NCOA7: variants seen among roughly 807,000 people sequenced by gnomAD.
The protein encoded by NCOA7 is 140 kDa estrogen receptor-associated protein.
In NCOA7, 45 loss-of-function variants were observed where a neutral mutation model predicts 104.3. That is an observed-to-expected ratio of 0.43 (90% CI 0.34 to 0.55). The LOEUF (loss-of-function observed/expected upper bound fraction) is 0.55. Among genes scored for constraint, NCOA7 ranks in the 20% least tolerant of loss-of-function variants. The pLI is 0.02. For synonymous variants in NCOA7, 398 were observed against 402.3 expected (o/e 0.99, Z 0.13); for missense variants, 1,041 against 1,119.7 (o/e 0.93, Z 1.00).
intron 11 of NCOA7, chr6:125,919,553 G>A: frequency 1.0e-6 from 1 of 958,802 alleles, no homozygotes. Flanking sequence ...CTACCAGCAG[G>A]TGTTTTATTC....
In NCOA7 at chr6:125,922,796, A is replaced by T; in HGVS notation, c.2485A>T (p.Ser829Cys). The T allele has an allele frequency of 6.2e-7, 1 of 1,614,156 alleles. No homozygotes were observed. Among genetic ancestry groups the T allele is most frequent in the Non-Finnish European group, 8.5e-7 (1 of 1,180,010 alleles). ...TLYRKSASLD[S>C]PVLLVIKDMD... is the part of the protein sequence containing the mutation. Reference sequence around the variant, plus strand: ...CTACCGGAAATCGGCATCACTAGACAGTCCTGTCCTATTGGTCATCAAAGA... The same window carrying T: ...CTACCGGAAATCGGCATCACTAGACTGTCCTGTCCTATTGGTCATCAAAGA... The change falls in exon 13 of 16, where the codon AGT becomes TGT. Residue 829 changes from serine (S) to cysteine (C), a missense_variant. Ser to Cys is a moderately radical substitution (Grantham distance 112, BLOSUM62 -1). Coordinates refer to ENST00000392477, the MANE Select transcript of NCOA7 (RefSeq NM_181782.5).
At chr6:125,860,033 C>T (rs1195336882) in intron 3 of NCOA7, among the ~76,000 whole-genome samples, 2 of 152,142 alleles carry the variant, frequency 1.3e-5, no homozygotes, top group African/African-American at 4.8e-5. Context: ...TCAGATAAAT[C>T]TAGATCCAAC....
At chr6:125,852,146 G>T (rs1264064649) in intron 2 of NCOA7, among the ~76,000 whole-genome samples, 1 of 151,960 alleles carries the variant, frequency 6.6e-6, no homozygotes, top group Non-Finnish European at 1.5e-5. Flanking sequence ...TGCTTTTGGG[G>T]TCTTAGTCAT....
At chr6:125,805,165 G>A (rs1776330784) in intron 1 of NCOA7, among the ~76,000 whole-genome samples, 1 of 135,810 alleles carries the variant, frequency 7.4e-6, no homozygotes. Context: ...GCACGATCTC[G>A]GCTCATTGCA....
chr6:125,890,608 A>G (rs1029888067), intron 9 of NCOA7, 34 bp from the exon 10 acceptor site: 7 of 1,583,578 alleles, frequency 4.4e-6, no homozygotes, highest in Non-Finnish European at 6.0e-6. Flanking sequence ...AATATTGTCA[A>G]TATTGAGGAA....
At position 125,915,411 on chromosome 6, in the gene NCOA7, G is replaced by T; in HGVS notation, c.2175G>T (p.Val725=). The T allele has an allele frequency of 1.2e-6, 2 of 1,613,920 alleles. No individual in the cohort carries two copies. The highest frequency in any genetic ancestry group is 2.2e-5 in the South Asian group (2 of 91,074). The change falls in exon 11 of 16, where the codon GTG becomes GTT. Residue 725 remains valine (V), a synonymous_variant. Transcript: ENST00000392477. ...YGKDAKEQGF[V]VVEKEELNMI... ...AAGATGCCAAAGAGCAAGGCTTTGT[G>T]GTGGTGGAGAAGGAAGAACTGAACA...
rs191078454 is a variant in NCOA7 at position 125,889,367 on chromosome 6, A to C, written c.1313A>C (p.Glu438Ala). ...ATGCACAAAAAAGACACCTTGAAGGAGTGCCTTTCTCTTGACCCAGAGGAA... is the reference window on the plus strand; with the variant it reads ...ATGCACAAAAAAGACACCTTGAAGGCGTGCCTTTCTCTTGACCCAGAGGAA... The part of the protein sequence containing the change: ...GGMHKKDTLK[E>A]CLSLDPEERK... Residue 438 changes from glutamate to alanine, a missense_variant, in exon 9 of 16, where the codon GAG becomes GCG. Glu to Ala is a moderately radical substitution (Grantham distance 107). Transcript: ENST00000392477. 1 of 1,614,020 alleles carries C rather than the reference A, an allele frequency of 6.2e-7. No individual in the cohort carries two copies. The highest frequency in any genetic ancestry group is 8.5e-7 in the Non-Finnish European group (1 of 1,179,952).
At position 125,840,868 on chromosome 6, in the gene NCOA7, GTTTTTTTTTTTTTTTTTTTTTTTTTTTTT is replaced by G. The variant is rs57168444; in HGVS notation, c.51-14138_51-14110del. Among the ~76,000 whole-genome samples, 5 of 40,340 alleles carry G rather than the reference GTTTTTTTTTTTTTTTTTTTTTTTTTTTTT, an allele frequency of 1.2e-4. 1 individual carries two copies. Among genetic ancestry groups the G allele is most frequent in the African/African-American group, 3.1e-4 (3 of 9,630 alleles). The allele number at this position is 40,340 out of a possible 152,430, so 26.5% of individuals were successfully genotyped here. On this transcript the variant is annotated intron_variant, in intron 2 of 15. Coordinates refer to ENST00000392477, the MANE Select transcript of NCOA7 (RefSeq NM_181782.5). ...TTTTATGGTTTTTTTTGTTTGGTTG[GTTTTTTTTTTTTTTTTTTTTTTTTTTTTT>G]TTTTTTTTTTTTTGAGACAGAGTCT...
intron 2 of NCOA7, among the ~76,000 whole-genome samples, chr6:125,845,371 C>T (rs1016165404): frequency 1.3e-5 from 2 of 152,128 alleles, no homozygotes; most frequent in South Asian, 4.1e-4. Flanking sequence ...CAAAATGTTG[C>T]CATAGCTGCA....
chr6:125,817,931 T>C (rs771183270), intron 2 of NCOA7, among the ~76,000 whole-genome samples: 12 of 152,112 alleles, frequency 7.9e-5, no homozygotes, highest in Non-Finnish European at 1.3e-4. Context: ...GTGGATAAGA[T>C]ATGAGTTTAG....
intron 2 of NCOA7, among the ~76,000 whole-genome samples, chr6:125,833,700 T>G (rs1779379119): frequency 6.6e-6 from 1 of 152,002 alleles, no homozygotes; most frequent in African/African-American, 2.4e-5. Context: ...CTCTCTCCAT[T>G]CACCTGTGCC....
chr6:125,890,265 G>A (rs1009724850), intron 9 of NCOA7, among the ~76,000 whole-genome samples: 1 of 152,238 alleles, frequency 6.6e-6, no homozygotes, highest in East Asian at 1.9e-4. Flanking sequence ...TAAATCTAGA[G>A]GAGTTTAAAC....
At chr6:125,898,752 G>A (rs1785251857) in intron 10 of NCOA7, among the ~76,000 whole-genome samples, 1 of 152,084 alleles carries the variant, frequency 6.6e-6, no homozygotes, top group Non-Finnish European at 1.5e-5. Context: ...GAGCCATTGT[G>A]CCCAGCCTAT....
In NCOA7 at chr6:125,805,087, C is replaced by CTTTTTTTTTTTTTTTTTTTTTTTTTTTTT. The variant is rs59737297; in HGVS notation, c.-64-10176_-64-10175insTTTTTTTTTTTTTTTTTTTTTTTTTTTTT. 5.2e-5 allele frequency among the ~76,000 whole-genome samples: 3 copies of CTTTTTTTTTTTTTTTTTTTTTTTTTTTTT among 58,050 alleles called. 1 individual carries two copies. The highest frequency in any genetic ancestry group is 1.2e-4 in the African/African-American group (2 of 16,242). The allele number at this position is 58,050 out of a possible 152,430, so 38.1% of individuals were successfully genotyped here. ...ATAAAGCTGGGTTCACCCTCTTGTT[C>CTTTTTTTTTTTTTTTTTTTTTTTTTTTTT]TTTTTTTTTTTTTTTTTTTTTTTTT... On this transcript the variant is annotated intron_variant, in intron 1 of 15. Transcript: ENST00000392477.
At chr6:125,786,202 G>A (rs969658575), upstream of NCOA7, 1 of 152,068 alleles carries the variant, frequency 6.6e-6, no homozygotes, top group Non-Finnish European at 1.5e-5. Flanking sequence ...TGTCCCAACC[G>A]GCCTGAGTCA....
Position 125,931,587 on chromosome 6 carries a change from TC to T in NCOA7, c.*2817del. ...GGGTGGGAGGAGGCAACCAAATGTTTCTTCAGACTCTACTGAAAATGATTAG... is the reference window on the plus strand; with the variant it reads ...GGGTGGGAGGAGGCAACCAAATGTTTTTCAGACTCTACTGAAAATGATTAG... On this transcript the variant is annotated 3_prime_UTR_variant, in exon 16 of 16. Coordinates refer to ENST00000392477, the MANE Select transcript of NCOA7 (RefSeq NM_181782.5). 6.6e-6 allele frequency: 1 copy of T among 152,294 alleles called. No individual in the cohort carries two copies. The highest frequency in any genetic ancestry group is 1.9e-4 in the East Asian group (1 of 5,184). 9.4% of individuals were successfully genotyped at this position (152,294 alleles called of 1,614,324 possible).
rs560931982 is a variant in NCOA7, at chr6:125,833,385, G to A, written c.50+17981G>A. On this transcript the variant is annotated intron_variant, in intron 2 of 15. Transcript: ENST00000392477. The stretch of plus-strand genomic sequence containing the variant: ...GTGCATTACTTGAAGTCAGGAGTTT[G>A]AGACCAGCCTGGCCTCATGGTGAAA... 4.5e-4 allele frequency among the ~76,000 whole-genome samples: 69 copies of A among 152,168 alleles called. 2 individuals are homozygous for A. In the South Asian group the frequency reaches 0.014, roughly 31 times the overall value.
At chr6:125,927,934 T>C (rs556727963) in intron 14 of NCOA7, among the ~76,000 whole-genome samples, 176 bp downstream of exon 14, 70 of 152,330 alleles carry the variant, frequency 4.6e-4, no homozygotes, top group Admixed American at 2.6e-3. Flanking sequence ...CCTTCTGGGC[T>C]GCTCAGGCTG....
chr6:125,859,698 A>G (rs1314403169), intron 3 of NCOA7, among the ~76,000 whole-genome samples: 1 of 152,232 alleles, frequency 6.6e-6, no homozygotes, highest in African/African-American at 2.4e-5. Flanking sequence ...AGCAATATAT[A>G]ACAAAATAAT....
Sources: gnomAD v4.1 joint callset for allele counts (sites outside exome capture counted in the v4.1 genomes callset) on GRCh38, gnomAD v4.1.1 for gene constraint, MANE v1.5 for transcripts, NCBI Gene and HGNC (gene_info 2026-07-23, HGNC 2026-07-21) for gene names.